FAM24B: variants seen among roughly 807,000 people sequenced by gnomAD.
FAM24B encodes family with sequence similarity 24 member B.
A neutral mutation model predicts 2.3 loss-of-function variants in FAM24B; 3 were observed. The ratio of observed to expected loss-of-function variants is 1.29; its 90% CI spans 0.59 to 3.32. FAM24B has a LOEUF of 3.32. Ranked by LOEUF, FAM24B falls within the 30% of genes most tolerant of loss-of-function variation. FAM24B has a pLI of 0.03. For synonymous variants in FAM24B, 36 were observed against 46.3 expected (o/e 0.78, Z 0.90); for missense variants, 98 against 117.2 (o/e 0.84, Z 0.76).
chr10:122,857,820 A>T (rs940728353), intron 1 of FAM24B, among the ~76,000 whole-genome samples: 1 of 152,228 alleles, frequency 6.6e-6, no homozygotes, highest in African/African-American at 2.4e-5. Context: ...TTAAACTGTC[A>T]AACTGAAGCT....
chr10:122,855,452 C>T (rs557708167), intron 2 of FAM24B, 193 bp downstream of exon 2: 2 of 152,298 alleles, frequency 1.3e-5, no homozygotes, highest in South Asian at 4.1e-4. Context: ...GCAGATCCCC[C>T]GGCGGTGCAG....
chr10:122,850,945 A>AC (rs1310919916), intron 2 of FAM24B, among the ~76,000 whole-genome samples: 3 of 149,406 alleles, frequency 2.0e-5, no homozygotes, highest in Admixed American at 6.7e-5. Context: ...GTCAGAAATG[A>AC]CCCCCCACTG....
Position 122,849,134 on chromosome 10 carries a change from C to A in FAM24B, c.*113G>T. On this transcript the variant is annotated 3_prime_UTR_variant, in exon 4 of 4. Transcript: ENST00000368898. Reference sequence around the variant, plus strand: ...TACATTTATTCAAAAGTATATAAAACAACACTGTAAATTATATAATCTCAC... The same window carrying A: ...TACATTTATTCAAAAGTATATAAAAAAACACTGTAAATTATATAATCTCAC... 2.7e-6 allele frequency: 2 copies of A among 745,940 alleles called. No homozygotes were observed. Among genetic ancestry groups the A allele is most frequent in the Non-Finnish European group, 2.0e-6 (1 of 501,734 alleles). 46.2% of individuals were successfully genotyped at this position (745,940 alleles called of 1,614,324 possible). A position where few individuals can be genotyped will look rare whatever the true frequency, so the allele number is the denominator to read the frequency against.
In FAM24B at chr10:122,850,413, T is replaced by C. The variant is rs1847510030; in HGVS notation, c.92+11A>G. 9 of 1,610,326 alleles carry C rather than the reference T, an allele frequency of 5.6e-6. No individual in the cohort carries two copies. The highest frequency in any genetic ancestry group is 5.9e-6 in the Non-Finnish European group (7 of 1,176,686). On this transcript the variant is annotated intron_variant, in intron 3 of 3. Transcript: ENST00000368898. ...CTTTAGTACGTTGTTTATTTTGAACTTGTGACTCACTTTAGCGCGTTGTGT... is the reference window on the plus strand; with the variant it reads ...CTTTAGTACGTTGTTTATTTTGAACCTGTGACTCACTTTAGCGCGTTGTGT...
At chr10:122,872,302 A>G (rs549997726) in intron 1 of FAM24B, among the ~76,000 whole-genome samples, 1 of 152,316 alleles carries the variant, frequency 6.6e-6, no homozygotes, top group Admixed American at 6.5e-5. Context: ...GCTGGAGAGG[A>G]TGTGGAGAAA....
chr10:122,860,556 T>C (rs1397639339), intron 1 of FAM24B, among the ~76,000 whole-genome samples: 5 of 152,362 alleles, frequency 3.3e-5, no homozygotes, highest in South Asian at 2.1e-4. Flanking sequence ...CTGGGTTGTG[T>C]ATTCAGTGTA....
At chr10:122,859,781 C>T (rs1589671132) in intron 1 of FAM24B, among the ~76,000 whole-genome samples, 1 of 152,258 alleles carries the variant, frequency 6.6e-6, no homozygotes, top group East Asian at 1.9e-4. Context: ...TAAAAGGTTC[C>T]CACCAATTCC....
chr10:122,868,992 C>T (rs1206059268), intron 1 of FAM24B, among the ~76,000 whole-genome samples: 23 of 151,798 alleles, frequency 1.5e-4, no homozygotes, highest in African/African-American at 2.7e-4. Flanking sequence ...GACTGGCAAA[C>T]TGGATAAAGA....
chr10:122,859,138 C>T (rs1847687842), intron 1 of FAM24B, among the ~76,000 whole-genome samples: 1 of 152,128 alleles, frequency 6.6e-6, no homozygotes, highest in South Asian at 2.1e-4. Context: ...TAATCCACTT[C>T]TTGATTCAGA....
At chr10:122,878,845 T>A (rs560198949) in intron 1 of FAM24B, among the ~76,000 whole-genome samples, 1 of 151,706 alleles carries the variant, frequency 6.6e-6, no homozygotes, top group African/African-American at 2.4e-5. Context: ...CTGCCTTATT[T>A]AAGGAAGTCA....
chr10:122,868,656 A>C (rs1275169916), intron 1 of FAM24B, among the ~76,000 whole-genome samples: 1 of 152,192 alleles, frequency 6.6e-6, no homozygotes, highest in Non-Finnish European at 1.5e-5. Context: ...AGAATTTTCA[A>C]CCCAGAATTT....
intron 1 of FAM24B, among the ~76,000 whole-genome samples, chr10:122,862,657 T>TA (rs1462781980): frequency 2.6e-5 from 4 of 152,172 alleles, no homozygotes; most frequent in Admixed American, 2.6e-4. Flanking sequence ...CTGCATTATA[T>TA]ATGGAGATTA....
chr10:122,871,024 A>T (rs1480428231), intron 1 of FAM24B, among the ~76,000 whole-genome samples: 12 of 152,076 alleles, frequency 7.9e-5, no homozygotes, highest in Non-Finnish European at 1.6e-4. Context: ...CATGATTGTA[A>T]ATCTAGAAAA....
At position 122,855,768 on chromosome 10, in the gene FAM24B, C is replaced by T. The variant is rs1043407005; in HGVS notation, c.-159G>A. 1 of 152,270 alleles carries T rather than the reference C, an allele frequency of 6.6e-6. No homozygotes were observed. Among genetic ancestry groups the T allele is most frequent in the African/African-American group, 2.4e-5 (1 of 41,468 alleles). The allele number at this position is 152,270 out of a possible 1,614,324, so 9.4% of individuals were successfully genotyped here. A position where few individuals can be genotyped will look rare whatever the true frequency, so the allele number is the denominator to read the frequency against. On this transcript the variant is annotated 5_prime_UTR_variant, in exon 2 of 4. Coordinates refer to ENST00000368898, the MANE Select transcript of FAM24B (RefSeq NM_152644.3). Reference sequence around the variant, plus strand: ...GGGTCTTCCAACTGCAGCTTCCCATCTCACCACTTCTAAGGCAACTGGAGA... The same window carrying T: ...GGGTCTTCCAACTGCAGCTTCCCATTTCACCACTTCTAAGGCAACTGGAGA...
intron 1 of FAM24B, among the ~76,000 whole-genome samples, chr10:122,868,193 C>T (rs949233175): frequency 6.6e-5 from 10 of 151,654 alleles, no homozygotes; most frequent in East Asian, 1.9e-4. Context: ...AGGGTATCAG[C>T]GATGGAAGAT....
intron 1 of FAM24B, among the ~76,000 whole-genome samples, chr10:122,874,847 T>C (rs1847954261): frequency 6.6e-6 from 1 of 152,172 alleles, no homozygotes; most frequent in Non-Finnish European, 1.5e-5. Context: ...TCATCAGCCA[T>C]TGTTAGCGTT....
At chr10:122,872,785 G>T (rs2133841323) in intron 1 of FAM24B, among the ~76,000 whole-genome samples, 1 of 152,148 alleles carries the variant, frequency 6.6e-6, no homozygotes, top group African/African-American at 2.4e-5. Context: ...GGGGACTGTG[G>T]TGGGGTGGGA....
chr10:122,850,602 C>G, intron 2 of FAM24B, 52 bp from the exon 3 acceptor site: 2 of 874,980 alleles, frequency 2.3e-6, no homozygotes, highest in Non-Finnish European at 2.0e-6. Flanking sequence ...TCCCTCCCCA[C>G]ACAACCACTA....
At chr10:122,864,037 G>A (rs996577158) in intron 1 of FAM24B, among the ~76,000 whole-genome samples, 4 of 152,252 alleles carry the variant, frequency 2.6e-5, no homozygotes, top group African/African-American at 9.6e-5. Context: ...AATCACAATG[G>A]ATAAGTGGTG....
Sources: allele counts gnomAD v4.1 joint callset (sites outside exome capture counted in the v4.1 genomes callset), GRCh38; gene constraint gnomAD v4.1.1; transcripts MANE v1.5; gene names NCBI Gene and HGNC (gene_info 2026-07-23, HGNC 2026-07-21).